The following ANK1 variants were observed in gnomAD, a reference collection of about 807,000 sequenced individuals.
The protein encoded by ANK1 is ankyrin 1, also known as ankyrin-1.
In ANK1, 51 loss-of-function variants were observed where a neutral mutation model predicts 210.4. That is an observed-to-expected ratio of 0.24 (90% confidence interval 0.19 to 0.31). The LOEUF (loss-of-function observed/expected upper bound fraction) is 0.31, where lower values mean the gene tolerates loss of function less well. Among genes scored for constraint, ANK1 ranks in the 10% least tolerant of loss-of-function variants. The probability of loss-of-function intolerance (pLI) is 1.00; values close to 1 mark genes in which losing one functional copy is unlikely to be tolerated. For missense variants in ANK1, 2,051 were observed against 2,504.4 expected (o/e 0.82, Z 3.86); for synonymous variants, 967 against 1,025.9 (o/e 0.94, Z 1.10).
Position 41,747,672 on chromosome 8 carries a change from A to G in ANK1, c.129+10364T>C, listed in dbSNP as rs189625602. Among the ~76,000 whole-genome samples, 33 of 152,248 alleles carry G rather than the reference A, an allele frequency of 2.2e-4. No homozygotes were observed. In the East Asian group the frequency reaches 6.0e-3, roughly 28 times the overall value. On this transcript the variant is annotated intron_variant, in intron 2 of 42. Coordinates refer to ENST00000289734, the MANE Select transcript of ANK1 (RefSeq NM_000037.4). The stretch of plus-strand genomic sequence containing the variant: ...TTTTTCTTTGTCTCTAAGCACTATG[A>G]AGATCATGTCTAGTCTTCATATTCT...
intron 22 of ANK1, among the ~76,000 whole-genome samples, chr8:41,700,095 C>A (rs769081333): frequency 5.3e-5 from 8 of 152,212 alleles, no homozygotes; most frequent in Non-Finnish European, 1.2e-4. Flanking sequence ...AGCTGGAGCC[C>A]CGGCCCTCGA....
At position 41,742,978 on chromosome 8, in the gene ANK1, T is replaced by C. The variant is rs2150687979; in HGVS notation, c.130-8909A>G. Among the ~76,000 whole-genome samples the C allele has an allele frequency of 2.0e-5, 3 of 152,340 alleles. No individual in the cohort carries two copies. The South Asian group carries it at 6.2e-4, about 32-fold the overall frequency. On this transcript the variant is annotated intron_variant, in intron 2 of 42. Coordinates refer to ENST00000289734, the MANE Select transcript of ANK1 (RefSeq NM_000037.4). ...CCACTTTCCTATTCAATTTGGATTC[T>C]CTGTTGAGTTATTATAAACAAGCAA...
chr8:41,675,482 TTTATAGA>T, intron 37 of ANK1, among the ~76,000 whole-genome samples: 1 of 152,342 alleles, frequency 6.6e-6, no homozygotes, highest in East Asian at 1.9e-4. Flanking sequence ...TAATTCCTAC[TTTATAGA>T]TTAGGAAACT....
At chr8:41,835,939 G>A (rs1248768540) in intron 1 of ANK1, among the ~76,000 whole-genome samples, 1 of 152,222 alleles carries the variant, frequency 6.6e-6, no homozygotes, top group Non-Finnish European at 1.5e-5. Flanking sequence ...TCTCCCATAG[G>A]CCCCACCAGG....
intron 16 of ANK1, among the ~76,000 whole-genome samples, chr8:41,712,457 A>G (rs78040661): frequency 0.043 from 6,533 of 152,326 alleles, 220 homozygotes; most frequent in Middle Eastern, 0.092. Context: ...CAGAACACGG[A>G]CTGCCCCTCT....
intron 1 of ANK1, among the ~76,000 whole-genome samples, chr8:41,876,077 C>G (rs998573811): frequency 2.0e-5 from 3 of 152,022 alleles, no homozygotes; most frequent in Admixed American, 2.0e-4. Flanking sequence ...CCAATCCCCT[C>G]GCCTCACGCC....
chr8:41,716,935 C>T lies in ANK1; in HGVS notation c.1404+18G>A, dbSNP rs1176546712. 8.1e-6 allele frequency: 13 copies of T among 1,612,442 alleles called. 1 individual carries two copies. In the Admixed American group the frequency reaches 1.7e-4, roughly 21 times the overall value. The stretch of plus-strand genomic sequence containing the variant: ...TGCTCACATCTGAAACCCTTCCCTT[C>T]CTGCCTTCACTACTCACCTTGGCCT... On this transcript the variant is annotated intron_variant, in intron 13 of 42. Transcript: ENST00000289734.
chr8:41,729,212 T>C (rs1831484535), intron 3 of ANK1, among the ~76,000 whole-genome samples: 1 of 152,084 alleles, frequency 6.6e-6, no homozygotes, highest in Non-Finnish European at 1.5e-5. Context: ...ATATGCAACA[T>C]ACTAGTAAGC....
chr8:41,805,249 C>T, intron 1 of ANK1, among the ~76,000 whole-genome samples: 1 of 151,008 alleles, frequency 6.6e-6, no homozygotes, highest in African/African-American at 2.4e-5. Flanking sequence ...GTCTCTTTCT[C>T]TCTCTCTCTC....
rs199832220 is a variant in ANK1 at position 41,719,702 on chromosome 8, C to T, written c.1066G>A (p.Val356Ile). 81 of 1,614,232 alleles carry T rather than the reference C, an allele frequency of 5.0e-5. 1 individual carries two copies. Among genetic ancestry groups the T allele is most frequent in the Admixed American group, 2.5e-4 (15 of 60,026 alleles). The change falls in exon 10 of 43, where the codon GTC becomes ATC. Residue 356 changes from valine (V) to isoleucine (I), a missense_variant. Physicochemically the swap from Val to Ile is conservative, Grantham distance 29 (BLOSUM62 3). This residue lies in a region of ANK1 where 1,413 missense variants were observed against 1,707.4 expected (regional missense o/e 0.83). Transcript: ENST00000289734. ...GGTTTGGCCCCTTTATCCAGAAGGA[C>T]CTTAGCCACCCTGTGGTGTCCACAG... ...AHCGHHRVAK[V>I]LLDKGAKPNS...
intron 39 of ANK1, among the ~76,000 whole-genome samples, chr8:41,666,631 G>A (rs1810633290): frequency 6.6e-6 from 1 of 152,218 alleles, no homozygotes; most frequent in African/African-American, 2.4e-5. Context: ...TGTTTTCAGA[G>A]GTCCAGTGGA....
At chr8:41,717,741 T>C (rs1563545651) in intron 11 of ANK1, 39 bp from the exon 12 acceptor site, 2 of 1,482,946 alleles carry the variant, frequency 1.3e-6, no homozygotes, top group East Asian at 4.9e-5. Context: ...AGTGGGAGTC[T>C]TTCCGCTCCC....
At chr8:41,844,272 C>T (rs187798395) in intron 1 of ANK1, among the ~76,000 whole-genome samples, 694 of 152,306 alleles carry the variant, frequency 4.6e-3, no homozygotes, top group Non-Finnish European at 7.6e-3. Flanking sequence ...TATAGATGAA[C>T]CATGGGTGCG....
rs190564639 is a variant in ANK1 at position 41,857,536 on chromosome 8, C to T, written c.126+38819G>A. On this transcript the variant is annotated intron_variant, in intron 1 of 42. Transcript: ENST00000265709. ...GGCGAATCACCTGAGGTTGGGAGTTCGAGACCAGCCTGACCAACATGGAGA... is the reference window on the plus strand; with the variant it reads ...GGCGAATCACCTGAGGTTGGGAGTTTGAGACCAGCCTGACCAACATGGAGA... 6.1e-3 allele frequency among the ~76,000 whole-genome samples: 929 copies of T among 151,354 alleles called. 7 individuals are homozygous for T. Among genetic ancestry groups the T allele is most frequent in the African/African-American group, 0.022 (893 of 41,264 alleles).
intron 1 of ANK1, among the ~76,000 whole-genome samples, chr8:41,804,019 G>A (rs1349016523): frequency 6.6e-6 from 1 of 152,146 alleles, no homozygotes; most frequent in African/African-American, 2.4e-5. Flanking sequence ...CCCCAATTGT[G>A]CTGATTAAAA....
In ANK1 at chr8:41,655,625, C is replaced by G; in HGVS notation, c.*165G>C. The G allele has an allele frequency of 7.1e-7, 1 of 1,418,188 alleles. No individual in the cohort carries two copies. The allele number at this position is 1,418,188 out of a possible 1,614,324, so 87.9% of individuals were successfully genotyped here. On this transcript the variant is annotated 3_prime_UTR_variant, in exon 43 of 43. Transcript: ENST00000289734. ...ATGCCAAGAGGGGACTAGCAGGAGT[C>G]CCTTACAGAGGTCATGCCGTCAGCC...
intron 2 of ANK1, among the ~76,000 whole-genome samples, chr8:41,741,693 A>C (rs1834836205): frequency 6.6e-6 from 1 of 152,212 alleles, no homozygotes; most frequent in Non-Finnish European, 1.5e-5. Context: ...CTCTGTTTGA[A>C]ATTCTGTTTA....
chr8:41,703,440 A>ATTT (rs1563491713), intron 20 of ANK1, among the ~76,000 whole-genome samples: 4 of 68,772 alleles, frequency 5.8e-5, no homozygotes, highest in African/African-American at 2.3e-4. Flanking sequence ...ATATATATAT[A>ATTT]TATATATATA....
At chr8:41,878,298 G>A (rs761640020) in intron 1 of ANK1, among the ~76,000 whole-genome samples, 3 of 152,118 alleles carry the variant, frequency 2.0e-5, no homozygotes, top group East Asian at 1.9e-4. Context: ...GGCAGGGGAC[G>A]ATCACACCCC....
Sources: gnomAD v4.1 joint callset for allele counts (sites outside exome capture counted in the v4.1 genomes callset) on GRCh38, gnomAD v4.1.1 for gene constraint, gnomAD v4.1.1 regional missense constraint, MANE v1.5 for transcripts, NCBI Gene and HGNC (gene_info 2026-07-23, HGNC 2026-07-21) for gene names.